Variants in EXOC3L2 observed in about 807,000 individuals in gnomAD.
EXOC3L2 encodes the protein exocyst complex component 3-like protein 2.
EXOC3L2 carries 17 observed loss-of-function variants against 44.4 expected under a neutral mutation model. The ratio of observed to expected loss-of-function variants is 0.38; its 90% CI spans 0.26 to 0.57. The LOEUF (loss-of-function observed/expected upper bound fraction) is 0.57, where lower values mean the gene tolerates loss of function less well. EXOC3L2 is among the 20% of genes least tolerant of loss of function. The pLI, the probability that EXOC3L2 is intolerant of heterozygous loss-of-function variation, is 0.65. For synonymous variants in EXOC3L2, 256 were observed against 253.7 expected, an observed-to-expected ratio of 1.01 and a Z score of -0.09; for missense variants, 541 against 588.4, an observed-to-expected ratio of 0.92 and a Z score of 0.83.
intron 4 of EXOC3L2, among the ~76,000 whole-genome samples, chr19:45,229,249 T>TACATATATTTATGTATTAAATATAC: frequency 8.2e-6 from 1 of 122,138 alleles, no homozygotes; most frequent in Admixed American, 7.8e-5. Context: ...ATTAAATATA[T>TACATATATTTATGTATTAAATATAC]ACATATATTT....
chr19:45,240,768 G>A (rs1599769497), intron 1 of EXOC3L2, among the ~76,000 whole-genome samples: 1 of 152,228 alleles, frequency 6.6e-6, no homozygotes, highest in South Asian at 2.1e-4. Context: ...GCCGGGCGTG[G>A]TGGCATGCAC....
chr19:45,220,335 G>A (rs1969883794), intron 8 of EXOC3L2, among the ~76,000 whole-genome samples: 1 of 151,692 alleles, frequency 6.6e-6, no homozygotes, highest in East Asian at 1.9e-4. Context: ...GCTGGGCATG[G>A]TGGCCCACAC....
intron 8 of EXOC3L2, among the ~76,000 whole-genome samples, chr19:45,218,993 C>A (rs1346247297): frequency 6.6e-6 from 1 of 152,058 alleles, no homozygotes; most frequent in African/African-American, 2.4e-5. Flanking sequence ...AATCCTAGCA[C>A]TTTGGAAGGC....
Position 45,234,955 on chromosome 19 carries a change from G to T in EXOC3L2, c.524-129C>A. The T allele has an allele frequency of 2.6e-6, 1 of 378,076 alleles. No homozygotes were observed. Among genetic ancestry groups the T allele is most frequent in the Non-Finnish European group, 4.7e-6 (1 of 212,724 alleles). 23.4% of individuals were successfully genotyped at this position (378,076 alleles called of 1,614,324 possible). On this transcript the variant is annotated intron_variant, in intron 2 of 11. Transcript: ENST00000413988. The surrounding 1 kb of genome is among the most constrained non-coding windows in gnomAD (Gnocchi z 5.0). ...GGGTTACAGGAGGCGGGAAAGTGTG[G>T]GGGCAGAGAAGAGCCCGGAGAAGAG...
intron 7 of EXOC3L2, among the ~76,000 whole-genome samples, chr19:45,227,197 A>T (rs1328692149): frequency 6.7e-6 from 1 of 149,962 alleles, no homozygotes; most frequent in Non-Finnish European, 1.5e-5. Flanking sequence ...GGCTCACTGC[A>T]AGCTCCGCCT....
intron 9 of EXOC3L2, 28 bp downstream of exon 9, chr19:45,218,169 C>CCCA: frequency 7.5e-7 from 1 of 1,332,550 alleles, no homozygotes; most frequent in Non-Finnish European, 9.9e-7. Context: ...CCCCCACCCC[C>CCCA]ACCTCCCCTC....
chr19:45,225,619 T>A (rs1416336195), intron 7 of EXOC3L2, among the ~76,000 whole-genome samples: 1 of 139,026 alleles, frequency 7.2e-6, no homozygotes, highest in African/African-American at 2.8e-5. Context: ...CTTACTCTTC[T>A]CTTTTTTTTT....
chr19:45,237,237 T>C (rs966470889), intron 2 of EXOC3L2, among the ~76,000 whole-genome samples: 4 of 152,240 alleles, frequency 2.6e-5, no homozygotes, highest in Non-Finnish European at 5.9e-5. Flanking sequence ...CAGTGGCTCA[T>C]GCCTGTCATT....
chr19:45,238,585 T>G lies in EXOC3L2; in HGVS notation c.461A>C (p.Glu154Ala). Residue 154 changes from glutamate to alanine, a missense_variant, in exon 2 of 12, where the codon GAG (glutamate) becomes GCG (alanine). Physicochemically the swap from Glu to Ala is moderately radical, Grantham distance 107. Transcript: ENST00000413988. The surrounding 1 kb of genome is among the most constrained non-coding windows in gnomAD (Gnocchi z 5.5). The part of the protein sequence containing the change: ...SLAERVVPAG[E>A]AAPEPPPKVP... ...CTTGGGTGGGGGCTCTGGAGCTGCC[T>G]CGCCTGCAGGCACCACTCTCTCAGC... The G allele has an allele frequency of 2.5e-6, 1 of 399,678 alleles. No homozygotes were observed. The highest frequency in any genetic ancestry group is 4.4e-6 in the Non-Finnish European group (1 of 226,418). 24.8% of individuals were successfully genotyped at this position (399,678 alleles called of 1,614,324 possible).
At chr19:45,242,597 C>T (rs1357014986) in intron 1 of EXOC3L2, among the ~76,000 whole-genome samples, 1 of 152,008 alleles carries the variant, frequency 6.6e-6, no homozygotes, top group East Asian at 1.9e-4. Flanking sequence ...CGCAGTGGCT[C>T]ACGCCTATAA....
chr19:45,242,861 C>CA (rs56175442), intron 1 of EXOC3L2, among the ~76,000 whole-genome samples: 3,994 of 85,418 alleles, frequency 0.047, 109 homozygotes, highest in African/African-American at 0.077. Flanking sequence ...AACTCCATCT[C>CA]AAAAAAAAAA....
In EXOC3L2 at chr19:45,217,528, C is replaced by T; in HGVS notation, c.1998G>A (p.Leu666=). 1.3e-6 allele frequency: 2 copies of T among 1,576,338 alleles called. No individual in the cohort carries two copies. The highest frequency in any genetic ancestry group is 1.8e-5 in the Admixed American group (1 of 56,912). The change falls in exon 10 of 12, where the codon CTG becomes CTA. Residue 666 remains leucine (L), a splice_region_variant and synonymous_variant. Coordinates refer to ENST00000413988, the MANE Select transcript of EXOC3L2 (RefSeq NM_001382422.1). The part of the protein sequence containing the change: ...AAQLQRLFRR[L]ESQASWLDAV... ...CCCCCAACCGCGTCCCGACACTGAC[C>T]AGCCGCCGGAACAGCCTCTGCAGTT...
chr19:45,217,502 AC>A (rs1444342962), intron 10 of EXOC3L2, 25 bp downstream of exon 10: 4 of 1,543,890 alleles, frequency 2.6e-6, no homozygotes, highest in Admixed American at 2.0e-5. Flanking sequence ...TTTCTGAAAC[AC>A]CCCCAACCGC....
rs1229083780 is a variant in EXOC3L2 at position 45,228,058 on chromosome 19, G to A, written c.1388C>T (p.Thr463Ile). 1 of 1,614,126 alleles carries A rather than the reference G, an allele frequency of 6.2e-7. No individual in the cohort carries two copies. Among genetic ancestry groups the A allele is most frequent in the Admixed American group, 1.7e-5 (1 of 60,010 alleles). ...QDVCELLEEH[T>I]ERAPRISQEF... ...CTGGCTGATGCGGGGTGCTCGCTCTGTGTGCTCTTCCAGCAGCTGTGAGGT... is the reference window on the plus strand; with the variant it reads ...CTGGCTGATGCGGGGTGCTCGCTCTATGTGCTCTTCCAGCAGCTGTGAGGT... Residue 463 changes from threonine to isoleucine, a missense_variant, in exon 6 of 12, where the codon ACA becomes ATA. Physicochemically the swap from Thr to Ile is moderately conservative, Grantham distance 89 (BLOSUM62 -1). Transcript: ENST00000413988.
rs1970058259 is a variant in EXOC3L2, at chr19:45,234,142, G to T, written c.1157+51C>A. 7 of 387,034 alleles carry T rather than the reference G, an allele frequency of 1.8e-5. No individual in the cohort carries two copies. Among genetic ancestry groups the T allele is most frequent in the Admixed American group, 4.5e-5 (1 of 22,338 alleles). 24.0% of individuals were successfully genotyped at this position (387,034 alleles called of 1,614,324 possible). A position where few individuals can be genotyped will look rare whatever the true frequency, so the allele number is the denominator to read the frequency against. On this transcript the variant is annotated intron_variant, in intron 3 of 11. Coordinates refer to ENST00000413988, the MANE Select transcript of EXOC3L2 (RefSeq NM_001382422.1). The surrounding 1 kb of genome is among the most constrained non-coding windows in gnomAD (Gnocchi z 5.0). Reference sequence around the variant, plus strand: ...TAAGGTCTGAAGAAGCCAGTGCTAGGGGGTAGGGCTGAGGGTTTCACGTGA... The same window carrying T: ...TAAGGTCTGAAGAAGCCAGTGCTAGTGGGTAGGGCTGAGGGTTTCACGTGA...
In EXOC3L2 at chr19:45,238,133, T is replaced by A. The variant is rs966391519; in HGVS notation, c.523+390A>T. Among the ~76,000 whole-genome samples the A allele has an allele frequency of 9.9e-5, 15 of 151,372 alleles. No homozygotes were observed. The highest frequency in any genetic ancestry group is 2.4e-4 in the African/African-American group (10 of 41,100). On this transcript the variant is annotated intron_variant, in intron 2 of 11. Transcript: ENST00000413988. This position sits in a 1 kb window ranked among gnomAD's most constrained non-coding sequence, Gnocchi z 5.5. The stretch of plus-strand genomic sequence containing the variant: ...AGCCTGGGCGACAGAGGCAAAAAAA[T>A]AATAATAATAAAATAAATAAAATAA...
At position 45,217,655 on chromosome 19, in the gene EXOC3L2, G is replaced by A; in HGVS notation, c.1871C>T (p.Ala624Val). 7.0e-7 allele frequency: 1 copy of A among 1,422,542 alleles called. No homozygotes were observed. The highest frequency in any genetic ancestry group is 9.1e-7 in the Non-Finnish European group (1 of 1,096,996). 88.1% of individuals were successfully genotyped at this position (1,422,542 alleles called of 1,614,324 possible). A position where few individuals can be genotyped will look rare whatever the true frequency, so the allele number is the denominator to read the frequency against. ...QALVAELHRR[A>V]LVEYVRPLLR... is the part of the protein sequence containing the mutation. ...CAGGGGCCGCACGTACTCGACCAGC[G>A]CCCGCCGGTGTAGCTCGGCTACCAG... Residue 624 changes from alanine to valine, a missense_variant, in exon 10 of 12, where the codon GCG (alanine) becomes GTG (valine). By Grantham distance (64) the Ala-to-Val change is moderately conservative (BLOSUM62 0). Coordinates refer to ENST00000413988, the MANE Select transcript of EXOC3L2 (RefSeq NM_001382422.1).
chr19:45,219,701 T>C (rs886347698), intron 8 of EXOC3L2, among the ~76,000 whole-genome samples: 3 of 152,218 alleles, frequency 2.0e-5, no homozygotes, highest in African/African-American at 7.2e-5. Context: ...GAATGCACTG[T>C]ATATGCGACT....
In EXOC3L2 at chr19:45,218,274, C is replaced by T; in HGVS notation, c.1765G>A (p.Glu589Lys). The T allele has an allele frequency of 6.2e-7, 1 of 1,608,756 alleles. No individual in the cohort carries two copies. Among genetic ancestry groups the T allele is most frequent in the Non-Finnish European group, 8.5e-7 (1 of 1,178,562 alleles). ...GTGCCCACGATGCCATCCAGGGCCTCCGGGCTGCTCAGCCACTTCCGGCGC... is the reference window on the plus strand; with the variant it reads ...GTGCCCACGATGCCATCCAGGGCCTTCGGGCTGCTCAGCCACTTCCGGCGC... ...LMRRKWLSSP[E>K]ALDGIVGTLG... The change falls in exon 9 of 12, where the codon GAG becomes AAG. Residue 589 changes from glutamate to lysine, a missense_variant. Physicochemically the swap from Glu to Lys is moderately conservative, Grantham distance 56 (BLOSUM62 1). Transcript: ENST00000413988.
Sources: allele counts gnomAD v4.1 joint callset (sites outside exome capture counted in the v4.1 genomes callset), GRCh38; gene constraint gnomAD v4.1.1; non-coding constraint Gnocchi (gnomAD v3.1); transcripts MANE v1.5; gene names NCBI Gene and HGNC (gene_info 2026-07-23, HGNC 2026-07-21).